The following CKAP5 variants were observed in gnomAD, a reference collection of about 807,000 sequenced individuals.
CKAP5 encodes cytoskeleton associated protein 5, also known as cytoskeleton-associated protein 5.
In CKAP5, 27 loss-of-function variants were observed where a neutral mutation model predicts 232.8. The ratio of observed to expected loss-of-function variants is 0.12; its 90% confidence interval spans 0.09 to 0.16. The LOEUF (loss-of-function observed/expected upper bound fraction) is 0.16, where lower values mean the gene tolerates loss of function less well. CKAP5 is among the 10% of genes least tolerant of loss of function. CKAP5 has a pLI of 1.00. For missense variants in CKAP5, 1,838 were observed against 2,424.7 expected (o/e 0.76, Z 5.08); for synonymous variants, 785 against 841.1 (o/e 0.93, Z 1.16).
chr11:46,816,844 T>C (rs1192977133), intron 3 of CKAP5, among the ~76,000 whole-genome samples: 1 of 149,178 alleles, frequency 6.7e-6, no homozygotes, highest in Non-Finnish European at 1.5e-5. Flanking sequence ...TGGTGGCTCA[T>C]GCCTGTAATC....
intron 1 of CKAP5, among the ~76,000 whole-genome samples, chr11:46,836,694 C>A (rs920387325): frequency 6.6e-6 from 1 of 152,190 alleles, no homozygotes; most frequent in Admixed American, 6.5e-5. Context: ...AATGGTACAG[C>A]CACTCTGGAA....
chr11:46,819,909 C>T (rs948382217), intron 2 of CKAP5, among the ~76,000 whole-genome samples: 1 of 152,042 alleles, frequency 6.6e-6, no homozygotes, highest in African/African-American at 2.4e-5. Flanking sequence ...TGGGCAACAT[C>T]TCATTCTATA....
intron 27 of CKAP5, among the ~76,000 whole-genome samples, chr11:46,766,238 A>G (rs1435357401): frequency 6.6e-6 from 1 of 152,220 alleles, no homozygotes; most frequent in Non-Finnish European, 1.5e-5. Context: ...CCAAACAAAT[A>G]TGAGATCATT....
chr11:46,841,783 G>A (rs969071058), intron 1 of CKAP5, among the ~76,000 whole-genome samples: 4 of 151,868 alleles, frequency 2.6e-5, no homozygotes, highest in African/African-American at 9.7e-5. Flanking sequence ...GGAGGATCAC[G>A]AGGTTAGGAG....
intron 1 of CKAP5, among the ~76,000 whole-genome samples, chr11:46,822,785 A>G (rs1939569716): frequency 1.3e-5 from 2 of 151,734 alleles, no homozygotes; most frequent in South Asian, 4.1e-4. Context: ...GAAAGAATCA[A>G]TATGTAAAAA....
At chr11:46,821,505 A>T (rs549314886) in intron 1 of CKAP5, among the ~76,000 whole-genome samples, 9 of 145,606 alleles carry the variant, frequency 6.2e-5, no homozygotes, top group Non-Finnish European at 1.3e-4. Flanking sequence ...GCTTACTGCA[A>T]GCTACACCTC....
At chr11:46,797,166 G>A (rs1338634957) in intron 11 of CKAP5, among the ~76,000 whole-genome samples, 4 of 152,118 alleles carry the variant, frequency 2.6e-5, no homozygotes, top group Admixed American at 6.6e-5. Flanking sequence ...GGCCAAGTTC[G>A]AGACCAGTCT....
At chr11:46,819,505 C>T (rs940905727) in intron 2 of CKAP5, among the ~76,000 whole-genome samples, 7 of 151,988 alleles carry the variant, frequency 4.6e-5, no homozygotes, top group Non-Finnish European at 1.0e-4. Context: ...GTGGGATGAT[C>T]GAATTTGCAT....
chr11:46,783,240 T>C (rs2065358260), intron 18 of CKAP5, 34 bp downstream of exon 18: 1 of 1,218,018 alleles, frequency 8.2e-7, no homozygotes, highest in African/African-American at 1.5e-5. Context: ...ACAGAACATT[T>C]AACTATTTTC....
intron 5 of CKAP5, 67 bp downstream of exon 5, chr11:46,810,939 CA>C: frequency 7.4e-7 from 1 of 1,343,790 alleles, no homozygotes; most frequent in Non-Finnish European, 1.0e-6. Context: ...AGAATATCAA[CA>C]ACGATAGGAA....
chr11:46,833,488 T>G (rs1939841195), intron 1 of CKAP5, among the ~76,000 whole-genome samples: 2 of 151,058 alleles, frequency 1.3e-5, no homozygotes, highest in South Asian at 4.2e-4. Context: ...ATTAATTTTT[T>G]TTTTGTTTTG....
rs1318717407 is a variant in CKAP5, at chr11:46,743,609, A to C, written c.*414T>G. 1 of 193,306 alleles carries C rather than the reference A, an allele frequency of 5.2e-6. No homozygotes were observed. Among genetic ancestry groups the C allele is most frequent in the African/African-American group, 2.3e-5 (1 of 43,122 alleles). The allele number at this position is 193,306 out of a possible 1,614,324, so 12.0% of individuals were successfully genotyped here. ...TGTATCATGCCATGCATTCATACAG[A>C]ATACAGTGACCCTTCAGGGCGACAG... is the stretch of plus-strand genomic sequence containing the variant. On this transcript the variant is annotated 3_prime_UTR_variant, in exon 44 of 44. Coordinates refer to ENST00000529230, the MANE Select transcript of CKAP5 (RefSeq NM_001008938.4).
intron 23 of CKAP5, among the ~76,000 whole-genome samples, chr11:46,776,654 G>A (rs557647785): frequency 1.3e-5 from 2 of 152,286 alleles, no homozygotes; most frequent in Admixed American, 1.3e-4. Flanking sequence ...TATCATGTAA[G>A]AAGAATAACT....
chr11:46,770,722 C>A, intron 25 of CKAP5, 66 bp downstream of exon 25: 1 of 1,465,542 alleles, frequency 6.8e-7, no homozygotes, highest in Non-Finnish European at 9.4e-7. Context: ...AGCCACCGTG[C>A]CAGGCCCATG....
chr11:46,767,650 A>G lies in CKAP5; in HGVS notation c.3336T>C (p.Asp1112=), dbSNP rs1486817150. Residue 1112 remains aspartate (D), a synonymous_variant, in exon 27 of 44, where the codon GAT becomes GAC. Transcript: ENST00000529230. ...KFQPASAPAE[D]CISSSTEPKP... ...TGGGTTCTGTACTGCTGGAAATACA[A>G]TCTTCAGCAGGTGCTTTGAGGAAAA... The G allele has an allele frequency of 1.9e-6, 3 of 1,608,910 alleles. No individual in the cohort carries two copies. The highest frequency in any genetic ancestry group is 1.3e-5 in the African/African-American group (1 of 74,820).
intron 10 of CKAP5, 21 bp downstream of exon 10, chr11:46,798,062 A>C (rs753911061): frequency 6.3e-5 from 102 of 1,610,712 alleles, no homozygotes; most frequent in Admixed American, 1.7e-5. Flanking sequence ...ATAAAACTAC[A>C]AACTCATGCT....
Position 46,796,414 on chromosome 11 carries a change from C to G in CKAP5, c.1467+398G>C, listed in dbSNP as rs373211317. Among the ~76,000 whole-genome samples the G allele has an allele frequency of 1.4e-3, 207 of 152,248 alleles. 4 individuals carry two copies. The South Asian group carries it at 0.041, about 30-fold the overall frequency. The stretch of plus-strand genomic sequence containing the variant: ...TATCTCACAGAACTGTTTTCACCTT[C>G]TCTACAGATTGGTCACTCAGCTTTT... On this transcript the variant is annotated intron_variant, in intron 12 of 43. Transcript: ENST00000529230.
chr11:46,745,346 TGAG>T (rs968626232), intron 42 of CKAP5, among the ~76,000 whole-genome samples: 1 of 152,168 alleles, frequency 6.6e-6, no homozygotes, highest in African/African-American at 2.4e-5. Flanking sequence ...AATGTAAAGA[TGAG>T]GAGAATCCTC....
intron 23 of CKAP5, 79 bp from the exon 24 acceptor site, chr11:46,776,462 C>T (rs532105544): frequency 7.5e-6 from 9 of 1,200,660 alleles, no homozygotes; most frequent in Admixed American, 2.5e-5. Flanking sequence ...GCTTTATGAA[C>T]ATGAACAATG....
Sources: allele counts gnomAD v4.1 joint callset (sites outside exome capture counted in the v4.1 genomes callset), GRCh38; gene constraint gnomAD v4.1.1; transcripts MANE v1.5; gene names NCBI Gene and HGNC (gene_info 2026-07-23, HGNC 2026-07-21).